Variants in ESRRG observed in about 807,000 individuals in gnomAD.
The protein encoded by ESRRG is estrogen-related receptor gamma.
Under a neutral mutation model 44.0 loss-of-function variants are expected in ESRRG, and 13 were observed. The ratio of observed to expected loss-of-function variants is 0.30; its 90% confidence interval spans 0.19 to 0.47. ESRRG has a LOEUF of 0.47. Ranked by LOEUF, ESRRG falls within the 20% of genes least tolerant of loss-of-function variation. The pLI, the probability that ESRRG is intolerant of heterozygous loss-of-function variation, is 1.00. For synonymous variants in ESRRG, 215 were observed against 214.6 expected (o/e 1.00, Z -0.02); for missense variants, 395 against 580.6 (o/e 0.68, Z 3.29).
At chr1:216,817,751 A>G (rs1284324282) in intron 2 of ESRRG, among the ~76,000 whole-genome samples, 2 of 152,254 alleles carry the variant, frequency 1.3e-5, no homozygotes, top group Non-Finnish European at 2.9e-5. Context: ...GGAATGCAAC[A>G]GCACGCAAAT....
At chr1:216,519,831 AG>A in intron 5 of ESRRG, among the ~76,000 whole-genome samples, 2 of 150,786 alleles carry the variant, frequency 1.3e-5, no homozygotes, top group African/African-American at 4.9e-5. Context: ...AAAAAAAAGA[AG>A]AAGAAGGAGA....
chr1:216,771,584 C>T (rs1378882220), intron 2 of ESRRG, among the ~76,000 whole-genome samples: 1 of 152,016 alleles, frequency 6.6e-6, no homozygotes, highest in East Asian at 1.9e-4. Context: ...TAAAAGATTC[C>T]TGCCATGGGA....
chr1:216,847,519 C>G (rs1204221796), intron 2 of ESRRG, among the ~76,000 whole-genome samples: 5 of 151,998 alleles, frequency 3.3e-5, no homozygotes, highest in African/African-American at 1.2e-4. Context: ...GTCATGGTTT[C>G]TTTTTAACTA....
chr1:216,720,083 TG>T (rs1396598972), intron 1 of ESRRG, among the ~76,000 whole-genome samples: 1 of 152,110 alleles, frequency 6.6e-6, no homozygotes. Context: ...CAGGAACAGT[TG>T]TTTTTTTGTT....
chr1:216,980,210 A>G (rs907405906), intron 1 of ESRRG, among the ~76,000 whole-genome samples: 3 of 152,326 alleles, frequency 2.0e-5, no homozygotes, highest in Non-Finnish European at 4.4e-5. Context: ...CACTGTGCAC[A>G]GAATGGTAAC....
At chr1:216,625,269 T>C (rs560506541) in intron 3 of ESRRG, among the ~76,000 whole-genome samples, 18 of 152,224 alleles carry the variant, frequency 1.2e-4, no homozygotes, top group African/African-American at 1.7e-4. Context: ...TGTTGTTATA[T>C]TAACTCTTAA....
intron 1 of ESRRG, among the ~76,000 whole-genome samples, chr1:217,004,236 G>A (rs1560439537): frequency 6.6e-6 from 1 of 152,260 alleles, no homozygotes; most frequent in African/African-American, 2.4e-5. Flanking sequence ...ATGGATTACT[G>A]ACTGATATGG....
At chr1:216,831,803 G>A (rs985699786) in intron 2 of ESRRG, among the ~76,000 whole-genome samples, 35 of 113,742 alleles carry the variant, frequency 3.1e-4, no homozygotes, top group African/African-American at 8.5e-4. Context: ...GTGGGGCCTG[G>A]TCAGAAATGG....
At chr1:217,003,392 A>G (rs2077299365) in intron 1 of ESRRG, among the ~76,000 whole-genome samples, 1 of 152,038 alleles carries the variant, frequency 6.6e-6, no homozygotes, top group Non-Finnish European at 1.5e-5. Flanking sequence ...ATAATATGAA[A>G]AAATAATTTT....
intron 1 of ESRRG, among the ~76,000 whole-genome samples, chr1:217,003,579 A>T (rs374872242): frequency 2.7e-5 from 4 of 147,708 alleles, no homozygotes; most frequent in Admixed American, 6.8e-5. Flanking sequence ...ACTAATTAAT[A>T]AGTATTAATA....
chr1:216,943,054 C>CA (rs5780947), intron 1 of ESRRG, among the ~76,000 whole-genome samples: 4,939 of 151,582 alleles, frequency 0.033, 230 homozygotes, highest in African/African-American at 0.11. Context: ...AAACTTATTA[C>CA]AAAAAAAAAT....
chr1:217,027,732 G>A (rs1403977525), intron 1 of ESRRG, among the ~76,000 whole-genome samples: 2 of 152,092 alleles, frequency 1.3e-5, no homozygotes, highest in African/African-American at 2.4e-5. Context: ...AACACAGGAG[G>A]TAAAGCTTGG....
chr1:217,052,246 A>G (rs1386316285), intron 1 of ESRRG, among the ~76,000 whole-genome samples: 1 of 152,222 alleles, frequency 6.6e-6, no homozygotes, highest in Non-Finnish European at 1.5e-5. Flanking sequence ...AAAACTATGA[A>G]GAAAGTGTCA....
At chr1:217,001,994 A>G (rs951554117) in intron 1 of ESRRG, among the ~76,000 whole-genome samples, 7 of 147,312 alleles carry the variant, frequency 4.8e-5, no homozygotes, top group South Asian at 2.1e-4. Context: ...TGGCACCATT[A>G]TAATTTTTTT....
intron 1 of ESRRG, among the ~76,000 whole-genome samples, chr1:217,075,634 T>A (rs1443349757): frequency 2.7e-5 from 4 of 148,434 alleles, no homozygotes; most frequent in African/African-American, 9.8e-5. Flanking sequence ...TTTATATCTT[T>A]TTGATAAACA....
intron 2 of ESRRG, among the ~76,000 whole-genome samples, chr1:216,906,786 T>TA (rs948980399): frequency 4.0e-4 from 61 of 152,304 alleles, no homozygotes; most frequent in African/African-American, 1.4e-3. Flanking sequence ...GTATAGAACT[T>TA]CGCTTTCTCT....
rs999674591 is a variant in ESRRG, at chr1:216,551,602, G to A, written c.862+12617C>T. ...ACAGACGTGTTAAAACCCTCAGAGT[G>A]CAGAGGGTCAGACAACCGATCGGGT... On this transcript the variant is annotated intron_variant, in intron 5 of 6. Transcript: ENST00000408911. Among the ~76,000 whole-genome samples, 3 of 152,126 alleles carry A rather than the reference G, an allele frequency of 2.0e-5. 1 individual carries two copies. Among genetic ancestry groups the A allele is most frequent in the Admixed American group, 2.0e-4 (3 of 15,266 alleles).
At chr1:216,705,340 A>G (rs1206947753) in intron 1 of ESRRG, among the ~76,000 whole-genome samples, 1 of 148,008 alleles carries the variant, frequency 6.8e-6, no homozygotes, top group Admixed American at 6.7e-5. Context: ...CTATTTTTTT[A>G]TATCTAGTAA....
chr1:216,830,729 G>A (rs374226693), intron 2 of ESRRG, among the ~76,000 whole-genome samples: 4 of 151,058 alleles, frequency 2.6e-5, no homozygotes, highest in African/African-American at 9.9e-5. Flanking sequence ...GCTGGATAGC[G>A]GGAGCCAATG....
Sources: gnomAD v4.1 joint callset for allele counts (sites outside exome capture counted in the v4.1 genomes callset) on GRCh38, gnomAD v4.1.1 for gene constraint, MANE v1.5 for transcripts, NCBI Gene and HGNC (gene_info 2026-07-23, HGNC 2026-07-21) for gene names.